Variants in MTHFD2L observed in about 807,000 individuals in gnomAD.
MTHFD2L encodes bifunctional methylenetetrahydrofolate dehydrogenase/cyclohydrolase 2, mitochondrial.
Under a neutral mutation model 34.9 loss-of-function variants are expected in MTHFD2L, and 29 were observed. The ratio of observed to expected loss-of-function variants is 0.83; its 90% CI spans 0.62 to 1.13. MTHFD2L has a LOEUF of 1.13. Among genes scored for constraint, MTHFD2L ranks in the 50% most tolerant of loss-of-function variants. MTHFD2L has a pLI of 0.00. For synonymous variants in MTHFD2L, 167 were observed against 155.7 expected (o/e 1.07, Z -0.54); for missense variants, 481 against 446.5 (o/e 1.08, Z -0.70).
At chr4:74,225,281 A>G (rs928637240) in intron 5 of MTHFD2L, 21 bp from the exon 6 acceptor site, 1 of 1,586,904 alleles carries the variant, frequency 6.3e-7, no homozygotes, top group Non-Finnish European at 8.6e-7. Context: ...AATCACTGAT[A>G]GAAATTCTTC....
chr4:74,186,123 A>G (rs1164310946), intron 3 of MTHFD2L, among the ~76,000 whole-genome samples: 1 of 152,150 alleles, frequency 6.6e-6, no homozygotes, highest in Non-Finnish European at 1.5e-5. Context: ...CTAAAAATGA[A>G]AATCATATAA....
chr4:74,172,400 G>T (rs1224252238), intron 1 of MTHFD2L, among the ~76,000 whole-genome samples: 1 of 152,066 alleles, frequency 6.6e-6, no homozygotes, highest in Non-Finnish European at 1.5e-5. Flanking sequence ...TTATTATATT[G>T]AATTCATCAT....
chr4:74,205,201 T>C (rs748863611), intron 5 of MTHFD2L, among the ~76,000 whole-genome samples: 3 of 152,190 alleles, frequency 2.0e-5, no homozygotes, highest in Non-Finnish European at 4.4e-5. Context: ...TAATGAATCA[T>C]TGAGAGCTGC....
chr4:74,250,703 A>T (rs1020112897), intron 6 of MTHFD2L, among the ~76,000 whole-genome samples: 6 of 152,148 alleles, frequency 3.9e-5, no homozygotes, highest in African/African-American at 7.2e-5. Context: ...ATAGGTTGTT[A>T]TACTCCCTAG....
At chr4:74,242,907 A>T (rs183818540) in intron 6 of MTHFD2L, among the ~76,000 whole-genome samples, 2 of 152,386 alleles carry the variant, frequency 1.3e-5, no homozygotes, top group Non-Finnish European at 1.5e-5. Context: ...AAGTTTGCCA[A>T]GTTCTAACTA....
At chr4:74,197,730 C>T (rs1364882659) in intron 3 of MTHFD2L, among the ~76,000 whole-genome samples, 1 of 152,054 alleles carries the variant, frequency 6.6e-6, no homozygotes, top group Non-Finnish European at 1.5e-5. Flanking sequence ...ATGATCATAC[C>T]TTTCCTACTT....
At chr4:74,178,832 T>A (rs1045353444) in intron 3 of MTHFD2L, among the ~76,000 whole-genome samples, 3 of 152,050 alleles carry the variant, frequency 2.0e-5, no homozygotes, top group Non-Finnish European at 4.4e-5. Context: ...ATGAGAAATT[T>A]GAGGCGTGAA....
At chr4:74,175,662 T>C (rs1444578917) in intron 3 of MTHFD2L, among the ~76,000 whole-genome samples, 1 of 152,060 alleles carries the variant, frequency 6.6e-6, no homozygotes, top group East Asian at 1.9e-4. Context: ...AAAATGACGA[T>C]GTAAGATGAA....
intron 3 of MTHFD2L, among the ~76,000 whole-genome samples, chr4:74,191,601 A>T (rs1462315910): frequency 6.6e-6 from 1 of 152,014 alleles, no homozygotes; most frequent in South Asian, 2.1e-4. Flanking sequence ...CCTGGGCTGG[A>T]GTGCATTGGC....
At chr4:74,182,556 C>T (rs1730397781) in intron 3 of MTHFD2L, among the ~76,000 whole-genome samples, 1 of 152,176 alleles carries the variant, frequency 6.6e-6, no homozygotes, top group Non-Finnish European at 1.5e-5. Context: ...CCCTTTAGAT[C>T]TTAGCGTAAA....
At chr4:74,282,253 C>T (rs1273018993) in intron 7 of MTHFD2L, among the ~76,000 whole-genome samples, 1 of 152,022 alleles carries the variant, frequency 6.6e-6, no homozygotes, top group African/African-American at 2.4e-5. Context: ...TTCAGATTTT[C>T]AGTGTGCCTA....
intron 3 of MTHFD2L, chr4:74,194,259 T>C (rs1166433464): frequency 1.3e-5 from 2 of 152,234 alleles, no homozygotes; most frequent in Non-Finnish European, 2.9e-5. Flanking sequence ...GCTTCAATTT[T>C]CAACTACGGT....
chr4:74,283,605 G>T (rs1361200713), intron 7 of MTHFD2L, among the ~76,000 whole-genome samples: 1 of 152,084 alleles, frequency 6.6e-6, no homozygotes, highest in Non-Finnish European at 1.5e-5. Flanking sequence ...CAGCTCTACT[G>T]TTTGGCATAT....
chr4:74,281,324 CGTGTGTGT>C, intron 6 of MTHFD2L, 93 bp from the exon 7 acceptor site: 11 of 866,564 alleles, frequency 1.3e-5, no homozygotes, highest in Non-Finnish European at 1.9e-5. Flanking sequence ...ATTACACATA[CGTGTGTGT>C]GTGTGTGTGT....
intron 6 of MTHFD2L, among the ~76,000 whole-genome samples, chr4:74,272,743 C>G (rs1001948010): frequency 2.0e-5 from 3 of 152,166 alleles, no homozygotes; most frequent in Admixed American, 2.0e-4. Flanking sequence ...TTTCCCGTTT[C>G]TGCTTTTTCT....
At chr4:74,136,471 G>A (rs1439322518) in intron 1 of MTHFD2L, among the ~76,000 whole-genome samples, 1 of 151,952 alleles carries the variant, frequency 6.6e-6, no homozygotes, top group Non-Finnish European at 1.5e-5. Flanking sequence ...GAAAGAAATA[G>A]AAGAAAGCAC....
At chr4:74,115,403 G>A (rs955141863) in intron 2 of MTHFD2L, among the ~76,000 whole-genome samples, 2 of 152,158 alleles carry the variant, frequency 1.3e-5, no homozygotes, top group African/African-American at 2.4e-5. Flanking sequence ...TTCTTCTGTC[G>A]CCATAGTTGT....
chr4:74,181,660 C>CT (rs2109985234), intron 3 of MTHFD2L: 2 of 149,726 alleles, frequency 1.3e-5, no homozygotes, highest in South Asian at 4.2e-4. Context: ...TAGGTAAACT[C>CT]TATCTATTTC....
chr4:74,272,184 A>G (rs1205954758), intron 6 of MTHFD2L, among the ~76,000 whole-genome samples: 1 of 152,168 alleles, frequency 6.6e-6, no homozygotes, highest in Non-Finnish European at 1.5e-5. Context: ...GACATCATTT[A>G]ATCTGGCAAC....
Sources: gnomAD v4.1 joint callset for allele counts (sites outside exome capture counted in the v4.1 genomes callset) on GRCh38, gnomAD v4.1.1 for gene constraint, MANE v1.5 for transcripts, NCBI Gene and HGNC (gene_info 2026-07-23, HGNC 2026-07-21) for gene names.